Variants in TSHZ1 observed in about 807,000 individuals in gnomAD.
TSHZ1 encodes teashirt homolog 1.
TSHZ1 carries 12 observed loss-of-function variants against 67.1 expected under a neutral mutation model. The observed-to-expected ratio is 0.18, with a 90% CI of 0.11 to 0.29. The LOEUF is 0.29. TSHZ1 is among the 10% of genes least tolerant of loss of function. The pLI is 1.00. For synonymous variants in TSHZ1, 632 were observed against 622.4 expected (o/e 1.02, Z -0.23); for missense variants, 1,305 against 1,413.9 (o/e 0.92, Z 1.23).
chr18:75,246,723 G>C (rs1356850188), intron 1 of TSHZ1, among the ~76,000 whole-genome samples: 1 of 152,134 alleles, frequency 6.6e-6, no homozygotes, highest in Non-Finnish European at 1.5e-5. Context: ...CACAAAGCTA[G>C]TTTAATTGAA....
rs924569324 is a variant in TSHZ1, at chr18:75,210,856, G to A, written c.-1021G>A. Reference sequence around the variant, plus strand: ...GTGTGTTATATTTCACTGAAAAGAGGAGAGAGCGAGAGTGCATCTCCCTCT... The same window carrying A: ...GTGTGTTATATTTCACTGAAAAGAGAAGAGAGCGAGAGTGCATCTCCCTCT... On this transcript the variant is annotated 5_prime_UTR_variant, in exon 1 of 2. Coordinates refer to ENST00000580243, the MANE Select transcript of TSHZ1 (RefSeq NM_001308210.2). 1 of 148,484 alleles carries A rather than the reference G, an allele frequency of 6.7e-6. No homozygotes were observed. Among genetic ancestry groups the A allele is most frequent in the Non-Finnish European group, 1.5e-5 (1 of 67,370 alleles). The allele number at this position is 148,484 out of a possible 1,614,324, so 9.2% of individuals were successfully genotyped here.
At chr18:75,253,086 T>G (rs1446923728) in intron 1 of TSHZ1, among the ~76,000 whole-genome samples, 1 of 152,254 alleles carries the variant, frequency 6.6e-6, no homozygotes. Context: ...AAATCTTATT[T>G]GCTACTATTA....
At chr18:75,270,284 A>G (rs1249459545) in intron 1 of TSHZ1, among the ~76,000 whole-genome samples, 5 of 152,144 alleles carry the variant, frequency 3.3e-5, no homozygotes, top group African/African-American at 1.2e-4. Context: ...GTGAAATAGG[A>G]TTTCCCCTTG....
chr18:75,257,176 A>G lies in TSHZ1; in HGVS notation c.41-28272A>G, dbSNP rs2023371639. On this transcript the variant is annotated intron_variant, in intron 1 of 1. Coordinates refer to ENST00000580243, the MANE Select transcript of TSHZ1 (RefSeq NM_001308210.2). Reference sequence around the variant, plus strand: ...CAAATTGACCTTCAATTGGGGGATCATTAATGAACTAACCTCCTTCATTGA... The same window carrying G: ...CAAATTGACCTTCAATTGGGGGATCGTTAATGAACTAACCTCCTTCATTGA... 2.0e-5 allele frequency among the ~76,000 whole-genome samples: 3 copies of G among 152,234 alleles called. No homozygotes were observed. The South Asian group carries it at 6.2e-4, about 32-fold the overall frequency.
chr18:75,238,617 C>T (rs1289301290), intron 1 of TSHZ1, among the ~76,000 whole-genome samples: 2 of 149,770 alleles, frequency 1.3e-5, no homozygotes, highest in East Asian at 2.0e-4. Flanking sequence ...AAAGTCTGTG[C>T]GTTTCTGCAG....
intron 1 of TSHZ1, among the ~76,000 whole-genome samples, chr18:75,242,476 G>A (rs2023169206): frequency 6.6e-6 from 1 of 152,206 alleles, no homozygotes; most frequent in African/African-American, 2.4e-5. Flanking sequence ...TGATTCCATG[G>A]TACATGTTGA....
intron 1 of TSHZ1, among the ~76,000 whole-genome samples, chr18:75,251,885 C>A (rs1307387321): frequency 1.3e-5 from 2 of 152,188 alleles, no homozygotes; most frequent in Non-Finnish European, 2.9e-5. Context: ...TACTTGCAGT[C>A]CCCACCTTCT....
intron 1 of TSHZ1, among the ~76,000 whole-genome samples, chr18:75,274,955 C>G (rs2023599159): frequency 6.6e-6 from 1 of 152,178 alleles, no homozygotes; most frequent in Non-Finnish European, 1.5e-5. Flanking sequence ...GACAATTATG[C>G]AGGATGTGTT....
In TSHZ1 at chr18:75,285,473, G is replaced by C. The variant is rs558993352; in HGVS notation, c.66G>C (p.Lys22Asn). Reference protein sequence around the residue: ...SAAYVPEEELKAAEIDEEHVE... With the variant: ...SAAYVPEEELNAAEIDEEHVE... ...CTTATGTTCCTGAGGAAGAATTGAA[G>C]GCAGCAGAAATAGATGAAGAGCACG... Residue 22 changes from lysine (K) to asparagine (N), a missense_variant, in exon 2 of 2, where the codon AAG becomes AAC. By Grantham distance (94) the Lys-to-Asn change is moderately conservative (BLOSUM62 0). Transcript: ENST00000580243. The C allele has an allele frequency of 6.7e-7, 1 of 1,500,088 alleles. No individual in the cohort carries two copies. The highest frequency in any genetic ancestry group is 1.4e-5 in the African/African-American group (1 of 71,482). 92.9% of individuals were successfully genotyped at this position (1,500,088 alleles called of 1,614,324 possible).
chr18:75,233,177 A>G (rs1347298946), intron 1 of TSHZ1, among the ~76,000 whole-genome samples: 2 of 152,242 alleles, frequency 1.3e-5, no homozygotes, highest in African/African-American at 2.4e-5. Context: ...CCATGTTCAC[A>G]TATAAAAGTG....
intron 1 of TSHZ1, among the ~76,000 whole-genome samples, chr18:75,232,015 T>C (rs2023005791): frequency 6.6e-6 from 1 of 152,108 alleles, no homozygotes; most frequent in African/African-American, 2.4e-5. Context: ...TAGCTAGGAT[T>C]ACAAGCGATT....
Position 75,285,881 on chromosome 18 carries a change from CA to C in TSHZ1, c.475del (p.Thr159HisfsTer103). ...AGAAGGAGAGCTCCGCCCCCACCCC[CA>C]CACCCCCCACCTGCCCCGTCAGCAC... ...SQKESSAPTPTPPTCPVSTTG... is the reference protein window; with the variant it reads ...SQKESSAPTPXPPTCPVSTTG... On this transcript the variant is annotated frameshift_variant, in exon 2 of 2. Coordinates refer to ENST00000580243, the MANE Select transcript of TSHZ1 (RefSeq NM_001308210.2). LOFTEE classifies it high-confidence loss of function. 2.0e-6 allele frequency: 3 copies of C among 1,523,234 alleles called. No homozygotes were observed. The highest frequency in any genetic ancestry group is 1.2e-5 in the South Asian group (1 of 83,668). 94.4% of individuals were successfully genotyped at this position (1,523,234 alleles called of 1,614,324 possible).
At chr18:75,277,415 G>A (rs190631185) in intron 1 of TSHZ1, among the ~76,000 whole-genome samples, 5 of 152,256 alleles carry the variant, frequency 3.3e-5, no homozygotes, top group Admixed American at 2.0e-4. Flanking sequence ...AGGAGCAGGC[G>A]TCCTCGTTCC....
rs754522600 is a variant in TSHZ1, at chr18:75,287,215, C to A, written c.1808C>A (p.Pro603Gln). The A allele has an allele frequency of 1.2e-6, 2 of 1,613,672 alleles. No homozygotes were observed. Among genetic ancestry groups the A allele is most frequent in the Non-Finnish European group, 8.5e-7 (1 of 1,179,952 alleles). ...GCCGTGCAGAGCGTGCAGGTGCAGC[C>A]GTCCTATGCTGGCGGCGTGAAGTCG... Reference protein sequence around the residue: ...PAAVQSVQVQPSYAGGVKSLS... With the variant: ...PAAVQSVQVQQSYAGGVKSLS... Residue 603 changes from proline to glutamine, a missense_variant, in exon 2 of 2, where the codon CCG (proline) becomes CAG (glutamine). Physicochemically the swap from Pro to Gln is moderately conservative, Grantham distance 76. This residue lies in a region of TSHZ1 where 909 missense variants were observed against 961.8 expected (regional missense o/e 0.95). Coordinates refer to ENST00000580243, the MANE Select transcript of TSHZ1 (RefSeq NM_001308210.2). The surrounding 1 kb of genome is among the most constrained non-coding windows in gnomAD (Gnocchi z 5.0).
Position 75,286,046 on chromosome 18 carries a change from G to C in TSHZ1, c.639G>C (p.Ser213=). 6.2e-7 allele frequency: 1 copy of C among 1,613,288 alleles called. No homozygotes were observed. The highest frequency in any genetic ancestry group is 8.5e-7 in the Non-Finnish European group (1 of 1,179,786). ...ALAKTLQQTS[S]YGLLPEPSLF... ...CCAAGACGCTGCAGCAGACGTCCTC[G>C]TATGGGCTGCTTCCTGAGCCCAGCC... The change falls in exon 2 of 2, where the codon TCG becomes TCC. Residue 213 remains serine, a synonymous_variant. Transcript: ENST00000580243. The surrounding 1 kb of genome is among the most constrained non-coding windows in gnomAD (Gnocchi z 5.1).
chr18:75,213,350 C>A (rs141758648), intron 1 of TSHZ1, among the ~76,000 whole-genome samples: 1 of 152,140 alleles, frequency 6.6e-6, no homozygotes, highest in South Asian at 2.1e-4. Context: ...AGGAAGAAAC[C>A]TTTCAAAGAG....
At chr18:75,261,246 A>C (rs2023427155) in intron 1 of TSHZ1, among the ~76,000 whole-genome samples, 1 of 152,210 alleles carries the variant, frequency 6.6e-6, no homozygotes, top group African/African-American at 2.4e-5. Context: ...GTATCTCTTA[A>C]GAGACTTGCT....
chr18:75,277,456 T>C (rs1423308446), intron 1 of TSHZ1, among the ~76,000 whole-genome samples: 1 of 152,096 alleles, frequency 6.6e-6, no homozygotes, highest in African/African-American at 2.4e-5. Context: ...CACCGTAGAC[T>C]GTGTGGCTGT....
intron 1 of TSHZ1, among the ~76,000 whole-genome samples, chr18:75,222,097 C>T (rs1050686300): frequency 3.3e-5 from 5 of 152,088 alleles, no homozygotes; most frequent in African/African-American, 1.2e-4. Flanking sequence ...AAATAGCGCA[C>T]TGGCGGTTTT....
Sources: allele counts gnomAD v4.1 joint callset (sites outside exome capture counted in the v4.1 genomes callset), GRCh38; gene constraint gnomAD v4.1.1; regional missense constraint gnomAD v4.1.1; non-coding constraint Gnocchi (gnomAD v3.1); transcripts MANE v1.5; gene names NCBI Gene and HGNC (gene_info 2026-07-23, HGNC 2026-07-21).